The following ZBTB44 variants were observed in gnomAD, a reference collection of about 807,000 sequenced individuals.
ZBTB44 encodes zinc finger and BTB domain-containing protein 44.
ZBTB44 carries 15 observed loss-of-function variants against 54.0 expected under a neutral mutation model. The observed-to-expected ratio is 0.28, with a 90% CI of 0.19 to 0.43. The LOEUF is 0.43. ZBTB44 is among the 20% of genes least tolerant of loss of function. The probability of loss-of-function intolerance (pLI) is 1.00; values close to 1 mark genes in which losing one functional copy is unlikely to be tolerated. For missense variants in ZBTB44, 487 were observed against 707.1 expected, an observed-to-expected ratio of 0.69 and a Z score of 3.53; for synonymous variants, 230 against 250.1, an observed-to-expected ratio of 0.92 and a Z score of 0.76.
chr11:130,308,378 G>A (rs1942395889), intron 1 of ZBTB44, among the ~76,000 whole-genome samples: 1 of 152,174 alleles, frequency 6.6e-6, no homozygotes, highest in Non-Finnish European at 1.5e-5. Flanking sequence ...GTTACATTTA[G>A]TTGTGAGGTG....
chr11:130,308,944 A>G (rs1828633673), intron 1 of ZBTB44, among the ~76,000 whole-genome samples: 1 of 152,216 alleles, frequency 6.6e-6, no homozygotes, highest in South Asian at 2.1e-4. Flanking sequence ...AAAAGCAGAT[A>G]AGGTATAAGT....
At chr11:130,302,700 G>A (rs1393794601) in intron 1 of ZBTB44, among the ~76,000 whole-genome samples, 3 of 152,234 alleles carry the variant, frequency 2.0e-5, no homozygotes, top group African/African-American at 4.8e-5. Flanking sequence ...AGGGCCGGGC[G>A]TGATGGCTCA....
intron 1 of ZBTB44, among the ~76,000 whole-genome samples, chr11:130,270,394 CT>C (rs1394172979): frequency 6.6e-6 from 1 of 152,182 alleles, no homozygotes; most frequent in Admixed American, 6.5e-5. Flanking sequence ...TCTGTATTGG[CT>C]TTTATCAACT....
chr11:130,263,952 A>C (rs1056308212), intron 1 of ZBTB44, among the ~76,000 whole-genome samples: 3 of 152,222 alleles, frequency 2.0e-5, no homozygotes, highest in Admixed American at 6.5e-5. Flanking sequence ...AACAACAATC[A>C]AGGCCAAGAC....
At chr11:130,297,488 A>T (rs1168168904) in intron 1 of ZBTB44, among the ~76,000 whole-genome samples, 1 of 152,234 alleles carries the variant, frequency 6.6e-6, no homozygotes, top group Non-Finnish European at 1.5e-5. Context: ...GGTTCTCTAA[A>T]AAGATACGTT....
chr11:130,238,910 A>G (rs1294106060), intron 3 of ZBTB44: 2 of 188,478 alleles, frequency 1.1e-5, no homozygotes, highest in Non-Finnish European at 2.2e-5. Context: ...AAGAATCTAT[A>G]GCTTAAAACA....
chr11:130,255,912 A>AC (rs1565655520), intron 2 of ZBTB44, among the ~76,000 whole-genome samples: 10 of 150,478 alleles, frequency 6.6e-5, no homozygotes, highest in African/African-American at 2.2e-4. Context: ...AAAAAAAAAA[A>AC]AAAAAAAAAC....
chr11:130,237,215 C>A, intron 4 of ZBTB44, 122 bp from the exon 5 acceptor site: 1 of 983,500 alleles, frequency 1.0e-6, no homozygotes. Flanking sequence ...GAATTACCAG[C>A]AAAAACATAT....
intron 1 of ZBTB44, among the ~76,000 whole-genome samples, chr11:130,286,894 T>C (rs749789802): frequency 4.6e-5 from 7 of 152,204 alleles, no homozygotes; most frequent in Non-Finnish European, 8.8e-5. Flanking sequence ...ACAGACTGTT[T>C]ATATAAGAAT....
At chr11:130,274,539 C>A (rs891282190) in intron 1 of ZBTB44, among the ~76,000 whole-genome samples, 9 of 152,120 alleles carry the variant, frequency 5.9e-5, no homozygotes, top group African/African-American at 2.2e-4. Context: ...CTTCTCTATT[C>A]CTAGTTTGCT....
In ZBTB44 at chr11:130,228,644, T is replaced by C. The variant is rs1033590662; in HGVS notation, c.*3120A>G. ...GGCTCCCTTAAAGCAGGAAGATTTA[T>C]CCTTCCTCAGCAGGTGATGTACTTT... On this transcript the variant is annotated 3_prime_UTR_variant, in exon 8 of 8. Coordinates refer to ENST00000357899, the MANE Select transcript of ZBTB44 (RefSeq NM_001301098.2). The C allele has an allele frequency of 6.6e-6, 1 of 152,218 alleles. No individual in the cohort carries two copies. Among genetic ancestry groups the C allele is most frequent in the African/African-American group, 2.4e-5 (1 of 41,456 alleles). 9.4% of individuals were successfully genotyped at this position (152,218 alleles called of 1,614,324 possible). A position where few individuals can be genotyped will look rare whatever the true frequency, so the allele number is the denominator to read the frequency against.
intron 2 of ZBTB44, among the ~76,000 whole-genome samples, chr11:130,244,667 GAA>G (rs11360161): frequency 0.061 from 6,359 of 104,766 alleles, 267 homozygotes; most frequent in African/African-American, 0.12. Flanking sequence ...ACTCTGTCTG[GAA>G]AAAAAAAAAA....
intron 1 of ZBTB44, among the ~76,000 whole-genome samples, chr11:130,276,636 T>A (rs944812120): frequency 6.6e-6 from 1 of 152,152 alleles, no homozygotes; most frequent in East Asian, 1.9e-4. Context: ...GGTTTTACCA[T>A]GATGGCCAGG....
intron 1 of ZBTB44, among the ~76,000 whole-genome samples, chr11:130,297,261 C>T (rs1183634399): frequency 6.6e-6 from 1 of 151,924 alleles, no homozygotes; most frequent in African/African-American, 2.4e-5. Flanking sequence ...TCTTGGTTGC[C>T]CAAGAGCAGA....
chr11:130,303,026 A>C (rs967081591), intron 1 of ZBTB44, among the ~76,000 whole-genome samples: 1 of 152,192 alleles, frequency 6.6e-6, no homozygotes, highest in Non-Finnish European at 1.5e-5. Context: ...AAGTAAATCT[A>C]AGTCCCTGAA....
At chr11:130,288,203 G>A (rs144624625) in intron 1 of ZBTB44, among the ~76,000 whole-genome samples, 1,926 of 151,112 alleles carry the variant, frequency 0.013, 17 homozygotes, top group Middle Eastern at 0.02. Flanking sequence ...TGAAACCCCC[G>A]TCTCTACCAA....
chr11:130,231,660 C>T lies in ZBTB44; in HGVS notation c.*104G>A, dbSNP rs956430950. 1 of 152,124 alleles carries T rather than the reference C, an allele frequency of 6.6e-6. No homozygotes were observed. The highest frequency in any genetic ancestry group is 1.5e-5 in the Non-Finnish European group (1 of 67,986). The allele number at this position is 152,124 out of a possible 1,614,324, so 9.4% of individuals were successfully genotyped here. On this transcript the variant is annotated 3_prime_UTR_variant, in exon 8 of 8. Coordinates refer to ENST00000357899, the MANE Select transcript of ZBTB44 (RefSeq NM_001301098.2). ...TTACACGTTTCTCTTCTTTATTCTT[C>T]TTTCCTTCTTTTCTTTTTTCTTTCC...
At chr11:130,275,363 G>GT (rs1565669632) in intron 1 of ZBTB44, among the ~76,000 whole-genome samples, 1 of 151,988 alleles carries the variant, frequency 6.6e-6, no homozygotes, top group Non-Finnish European at 1.5e-5. Context: ...TTAAAAAATA[G>GT]TGACAGGGAT....
chr11:130,270,384 T>C (rs1317420397), intron 1 of ZBTB44, among the ~76,000 whole-genome samples: 1 of 152,230 alleles, frequency 6.6e-6, no homozygotes, highest in Non-Finnish European at 1.5e-5. Flanking sequence ...CATAAACTTG[T>C]CTGTATTGGC....
Sources: allele counts gnomAD v4.1 joint callset (sites outside exome capture counted in the v4.1 genomes callset), GRCh38; gene constraint gnomAD v4.1.1; transcripts MANE v1.5; gene names NCBI Gene and HGNC (gene_info 2026-07-23, HGNC 2026-07-21).